Variants in GPC5 observed in about 807,000 individuals in gnomAD.
The protein encoded by GPC5 is glypican-5.
Under a neutral mutation model 53.9 loss-of-function variants are expected in GPC5, and 47 were observed. The ratio of observed to expected loss-of-function variants is 0.87; its 90% CI spans 0.69 to 1.11. The LOEUF is 1.11. GPC5 is among the 50% of genes most tolerant of loss of function. GPC5 has a pLI of 0.00. For missense variants in GPC5, 748 were observed against 713.1 expected, an observed-to-expected ratio of 1.05 and a Z score of -0.56; for synonymous variants, 286 against 263.3, an observed-to-expected ratio of 1.09 and a Z score of -0.84.
rs76817546 is a variant in GPC5 at position 92,625,616 on chromosome 13, T to C, written c.1562-240666T>C. The stretch of plus-strand genomic sequence containing the variant: ...TTCTGCCAGCTTCCCCCTACTCAAC[T>C]AACGAAGACCTTTTAGGACTTGGGA... On this transcript the variant is annotated intron_variant, in intron 7 of 7. Coordinates refer to ENST00000377067, the MANE Select transcript of GPC5 (RefSeq NM_004466.6). 2.6e-5 allele frequency among the ~76,000 whole-genome samples: 4 copies of C among 152,330 alleles called. No individual in the cohort carries two copies. The South Asian group carries it at 8.3e-4, about 32-fold the overall frequency.
intron 7 of GPC5, among the ~76,000 whole-genome samples, chr13:92,493,360 T>C (rs535179355): frequency 9.3e-4 from 142 of 152,308 alleles, no homozygotes; most frequent in Non-Finnish European, 1.7e-3. Context: ...GAGGGAACAC[T>C]TTTTTAAAAA....
intron 7 of GPC5, among the ~76,000 whole-genome samples, chr13:92,680,740 T>A (rs1166664449): frequency 6.6e-6 from 1 of 152,180 alleles, no homozygotes; most frequent in Non-Finnish European, 1.5e-5. Flanking sequence ...AGGAAGTAAC[T>A]ATTAGATAGG....
intron 2 of GPC5, among the ~76,000 whole-genome samples, chr13:91,464,691 A>G (rs1183147479): frequency 3.3e-5 from 5 of 152,100 alleles, no homozygotes; most frequent in Admixed American, 3.3e-4. Flanking sequence ...GAAGAGGGAA[A>G]GGTGGACGTG....
rs543483667 is a variant in GPC5 at position 92,738,039 on chromosome 13, C to T, written c.1562-128243C>T. Among the ~76,000 whole-genome samples the T allele has an allele frequency of 2.5e-3, 380 of 152,070 alleles. 2 individuals carry two copies. Among genetic ancestry groups the T allele is most frequent in the Non-Finnish European group, 3.9e-3 (263 of 67,976 alleles). ...TCAGCCTCCCAAAGTGCTGGGATTA[C>T]AGGCATGAGCCACTGTGCCTAGCCA... is the stretch of plus-strand genomic sequence containing the variant. On this transcript the variant is annotated intron_variant, in intron 7 of 7. Transcript: ENST00000377067.
intron 7 of GPC5, among the ~76,000 whole-genome samples, chr13:92,666,113 T>C (rs1208573529): frequency 6.6e-6 from 1 of 152,208 alleles, no homozygotes; most frequent in Non-Finnish European, 1.5e-5. Flanking sequence ...AACCCAAAGC[T>C]TGTAAATTAC....
intron 2 of GPC5, among the ~76,000 whole-genome samples, chr13:91,519,224 A>G (rs755829899): frequency 1.3e-5 from 2 of 152,110 alleles, no homozygotes; most frequent in African/African-American, 2.4e-5. Context: ...GCCTCTATTT[A>G]TTCGTTATCC....
intron 5 of GPC5, among the ~76,000 whole-genome samples, chr13:91,803,781 GACACACACAC>G (rs369314989): frequency 1.3e-4 from 19 of 147,642 alleles, no homozygotes; most frequent in African/African-American, 4.7e-4. Flanking sequence ...CAGACAGACA[GACACACACAC>G]ACACACACAC....
At chr13:92,386,606 G>A (rs1314607235) in intron 7 of GPC5, among the ~76,000 whole-genome samples, 1 of 151,952 alleles carries the variant, frequency 6.6e-6, no homozygotes, top group Non-Finnish European at 1.5e-5. Flanking sequence ...TGTAATCACT[G>A]AATGGGAAAT....
At chr13:91,724,729 C>A (rs547089618) in intron 3 of GPC5, among the ~76,000 whole-genome samples, 1 of 151,954 alleles carries the variant, frequency 6.6e-6, no homozygotes, top group East Asian at 1.9e-4. Flanking sequence ...TGGTGGCATG[C>A]GCCTATAGTC....
chr13:92,053,784 C>G (rs1322757271), intron 6 of GPC5, among the ~76,000 whole-genome samples: 2 of 151,836 alleles, frequency 1.3e-5, no homozygotes, highest in African/African-American at 4.8e-5. Context: ...TAATCCAGCA[C>G]TTTGGGAGGC....
chr13:92,385,339 T>TATATAC (rs1555331897), intron 7 of GPC5, among the ~76,000 whole-genome samples: 4 of 115,192 alleles, frequency 3.5e-5, no homozygotes, highest in Non-Finnish European at 5.3e-5. Context: ...CATATATACA[T>TATATAC]ATATATACAT....
At chr13:91,850,439 G>A (rs899283387) in intron 5 of GPC5, among the ~76,000 whole-genome samples, 1 of 151,980 alleles carries the variant, frequency 6.6e-6, no homozygotes, top group African/African-American at 2.4e-5. Context: ...GCTGCCCTCT[G>A]CCCTTAATAA....
chr13:92,831,963 T>C (rs1440618760), intron 7 of GPC5, among the ~76,000 whole-genome samples: 3 of 152,166 alleles, frequency 2.0e-5, no homozygotes, highest in Non-Finnish European at 4.4e-5. Context: ...AATCCATTAA[T>C]GTACAGGTAT....
chr13:91,693,745 A>G lies in GPC5; in HGVS notation c.884A>G (p.Tyr295Cys). ...MAELNPHWHA[Y>C]IRSLEELSDA... ...GAGCTTAATCCACACTGGCATGCATATATCCGGTCGTTGGAAGAACTCTCG... is the reference window on the plus strand; with the variant it reads ...GAGCTTAATCCACACTGGCATGCATGTATCCGGTCGTTGGAAGAACTCTCG... The change falls in exon 3 of 8, where the codon TAT becomes TGT. Residue 295 changes from tyrosine (Y) to cysteine (C), a missense_variant. By Grantham distance (194) the Tyr-to-Cys change is radical. Coordinates refer to ENST00000377067, the MANE Select transcript of GPC5 (RefSeq NM_004466.6). 1 of 1,614,168 alleles carries G rather than the reference A, an allele frequency of 6.2e-7. No homozygotes were observed. Among genetic ancestry groups the G allele is most frequent in the Non-Finnish European group, 8.5e-7 (1 of 1,180,024 alleles).
At chr13:91,927,734 G>A (rs1337570871) in intron 6 of GPC5, among the ~76,000 whole-genome samples, 1 of 152,046 alleles carries the variant, frequency 6.6e-6, no homozygotes, top group Admixed American at 6.6e-5. Flanking sequence ...CTTAGAAATT[G>A]TTCAAGTGAA....
At chr13:92,815,555 G>T (rs1877442521) in intron 7 of GPC5, among the ~76,000 whole-genome samples, 1 of 151,744 alleles carries the variant, frequency 6.6e-6, no homozygotes, top group Non-Finnish European at 1.5e-5. Flanking sequence ...TTCTATATAT[G>T]ATCTGACACC....
intron 2 of GPC5, among the ~76,000 whole-genome samples, chr13:91,625,711 C>T (rs2033981226): frequency 6.6e-6 from 1 of 152,062 alleles, no homozygotes; most frequent in Admixed American, 6.6e-5. Flanking sequence ...TTAATCAGAA[C>T]TACGTCTTTA....
chr13:91,494,591 TC>T (rs995073381), intron 2 of GPC5, among the ~76,000 whole-genome samples: 2 of 152,186 alleles, frequency 1.3e-5, no homozygotes, highest in African/African-American at 4.8e-5. Flanking sequence ...TTCACCTGTG[TC>T]ACTTCAGAGA....
chr13:91,866,574 G>A (rs1031519112), intron 5 of GPC5, among the ~76,000 whole-genome samples: 2 of 152,098 alleles, frequency 1.3e-5, no homozygotes, highest in African/African-American at 4.8e-5. Context: ...TTTGCCTTAA[G>A]CCATGATTGA....
Sources: allele counts gnomAD v4.1 joint callset (sites outside exome capture counted in the v4.1 genomes callset), GRCh38; gene constraint gnomAD v4.1.1; transcripts MANE v1.5; gene names NCBI Gene and HGNC (gene_info 2026-07-23, HGNC 2026-07-21).